SPATA13: variants seen among roughly 807,000 people sequenced by gnomAD.
SPATA13 encodes the protein spermatogenesis associated 13, also known as spermatogenesis-associated protein 13.
SPATA13 carries 50 observed loss-of-function variants against 104.0 expected under a neutral mutation model. The ratio of observed to expected loss-of-function variants is 0.48; its 90% CI spans 0.38 to 0.61. SPATA13 has a LOEUF of 0.61. Among genes scored for constraint, SPATA13 ranks in the 20% least tolerant of loss-of-function variants. The pLI is 0.00. For synonymous variants in SPATA13, 606 were observed against 667.5 expected, an observed-to-expected ratio of 0.91 and a Z score of 1.42; for missense variants, 1,524 against 1,690.6, an observed-to-expected ratio of 0.90 and a Z score of 1.73.
At chr13:24,142,205 T>G (rs549953563) in intron 3 of SPATA13, among the ~76,000 whole-genome samples, 83 of 151,196 alleles carry the variant, frequency 5.5e-4, no homozygotes, top group African/African-American at 1.9e-3. Flanking sequence ...TATTAACATC[T>G]GACATAACCA....
chr13:24,185,109 G>A (rs1254597476), intron 1 of SPATA13, among the ~76,000 whole-genome samples: 11 of 152,276 alleles, frequency 7.2e-5, no homozygotes, highest in Admixed American at 5.9e-4. Flanking sequence ...CATTTCCCCC[G>A]CTTTCTGTAG....
chr13:24,263,795 A>G (rs941546460), intron 4 of SPATA13, among the ~76,000 whole-genome samples: 1 of 152,230 alleles, frequency 6.6e-6, no homozygotes, highest in African/African-American at 2.4e-5. Flanking sequence ...GTTTACTTAC[A>G]AAACGAGATG....
At chr13:24,053,939 C>T (rs1027699256) in intron 3 of SPATA13, among the ~76,000 whole-genome samples, 1 of 152,172 alleles carries the variant, frequency 6.6e-6, no homozygotes, top group Non-Finnish European at 1.5e-5. Flanking sequence ...TATGGGGTGT[C>T]TATGTGCTTG....
intron 3 of SPATA13, among the ~76,000 whole-genome samples, chr13:24,036,738 C>T (rs1177759776): frequency 6.6e-6 from 1 of 152,114 alleles, no homozygotes; most frequent in African/African-American, 2.4e-5. Context: ...CAACAATTAT[C>T]TCTTACTTTT....
At chr13:24,157,080 A>G (rs1424052190), upstream of SPATA13, among the ~76,000 whole-genome samples, 1 of 152,120 alleles carries the variant, frequency 6.6e-6, no homozygotes, top group African/African-American at 2.4e-5. Flanking sequence ...TGCTTCCCTA[A>G]CCCGGTCTAG....
At position 24,224,189 on chromosome 13, in the gene SPATA13, G is replaced by A. The variant is rs1438950036; in HGVS notation, c.1260G>A (p.Val420=). ...TTGAAACCAAAAGTTCCTGGGCGGT[G>A]GAAAGCGACAGTTCCTGCACTTGCA... ...FPLETKSSWA[V]ESDSSCTCSS... The change falls in exon 2 of 13, where the codon GTG becomes GTA. Residue 420 remains valine (V), a synonymous_variant. Coordinates refer to ENST00000382108, the MANE Select transcript of SPATA13 (RefSeq NM_001166271.3). The A allele has an allele frequency of 1.1e-5, 17 of 1,551,728 alleles. No individual in the cohort carries two copies. Among genetic ancestry groups the A allele is most frequent in the Non-Finnish European group, 1.3e-5 (15 of 1,147,000 alleles).
chr13:24,209,548 C>T lies in SPATA13; in HGVS notation c.-111-13271C>T, dbSNP rs987168606. 4.6e-5 allele frequency among the ~76,000 whole-genome samples: 7 copies of T among 152,186 alleles called. No individual in the cohort carries two copies. The East Asian group carries it at 7.7e-4, about 17-fold the overall frequency. On this transcript the variant is annotated intron_variant, in intron 1 of 12. Transcript: ENST00000382108. ...GTCTCTCTGTGCCTGGCTCATTTCA[C>T]TCAGCATAATATCCTCCAGCTTTAT...
At chr13:24,019,844 T>G (rs980013344) in intron 3 of SPATA13, among the ~76,000 whole-genome samples, 4 of 152,220 alleles carry the variant, frequency 2.6e-5, no homozygotes, top group Non-Finnish European at 5.9e-5. Context: ...GAGGTCACAT[T>G]AGCGTTCACA....
At chr13:24,158,310 C>T (rs2138479685), upstream of SPATA13, among the ~76,000 whole-genome samples, 3 of 152,284 alleles carry the variant, frequency 2.0e-5, no homozygotes, top group Middle Eastern at 6.8e-3. Context: ...GTGATGGCGG[C>T]CATGTGGATA....
chr13:23,980,175 A>G (rs1350941016), intron 1 of SPATA13, among the ~76,000 whole-genome samples: 1 of 151,620 alleles, frequency 6.6e-6, no homozygotes, highest in Admixed American at 6.6e-5. Flanking sequence ...ACAGAGCGAG[A>G]CTCCGTCTCA....
chr13:24,056,720 G>A (rs905856416), intron 3 of SPATA13, among the ~76,000 whole-genome samples: 1 of 152,152 alleles, frequency 6.6e-6, no homozygotes, highest in Non-Finnish European at 1.5e-5. Context: ...TACATAGAAG[G>A]CTGTCTCTTT....
chr13:23,988,792 T>C (rs1046477003), intron 2 of SPATA13, among the ~76,000 whole-genome samples: 1 of 152,236 alleles, frequency 6.6e-6, no homozygotes, highest in African/African-American at 2.4e-5. Flanking sequence ...AACTATCTGT[T>C]CATTTCCTTT....
upstream of SPATA13, among the ~76,000 whole-genome samples, chr13:24,156,884 T>A (rs547452260): frequency 6.6e-6 from 1 of 152,362 alleles, no homozygotes; most frequent in African/African-American, 2.4e-5. Context: ...TCTTGCCTTA[T>A]GTGCCAGAGG....
chr13:24,256,848 A>AGAG (rs1411320725), intron 4 of SPATA13, among the ~76,000 whole-genome samples: 1 of 152,258 alleles, frequency 6.6e-6, no homozygotes, highest in Non-Finnish European at 1.5e-5. Flanking sequence ...ATCGGAGGGA[A>AGAG]GAGTGACAAC....
intron 2 of SPATA13, among the ~76,000 whole-genome samples, chr13:23,994,618 T>G (rs1234194370): frequency 6.6e-6 from 1 of 152,188 alleles, no homozygotes; most frequent in Non-Finnish European, 1.5e-5. Flanking sequence ...TGACCACACG[T>G]GGGACATGTT....
At chr13:24,006,929 T>G (rs1876260645) in intron 2 of SPATA13, among the ~76,000 whole-genome samples, 1 of 152,208 alleles carries the variant, frequency 6.6e-6, no homozygotes, top group Admixed American at 6.5e-5. Flanking sequence ...GCTGTGGCAT[T>G]GCCTGGGCTT....
At chr13:24,188,990 A>C (rs117112767) in intron 1 of SPATA13, among the ~76,000 whole-genome samples, 1 of 152,308 alleles carries the variant, frequency 6.6e-6, no homozygotes, top group Non-Finnish European at 1.5e-5. Context: ...CCCACTGTTG[A>C]GACCTACTGT....
chr13:24,080,232 C>T (rs1019011169), intron 3 of SPATA13, among the ~76,000 whole-genome samples: 4 of 152,170 alleles, frequency 2.6e-5, no homozygotes, highest in Non-Finnish European at 4.4e-5. Context: ...AAAACAGCAG[C>T]GCCTAGAATC....
At chr13:24,010,411 G>A (rs1168175358) in intron 2 of SPATA13, among the ~76,000 whole-genome samples, 1 of 150,844 alleles carries the variant, frequency 6.6e-6, no homozygotes, top group Non-Finnish European at 1.5e-5. Flanking sequence ...TTAGGGTAAA[G>A]ATCTTGAGGA....
Sources: gnomAD v4.1 joint callset for allele counts (sites outside exome capture counted in the v4.1 genomes callset) on GRCh38, gnomAD v4.1.1 for gene constraint, MANE v1.5 for transcripts, NCBI Gene and HGNC (gene_info 2026-07-23, HGNC 2026-07-21) for gene names.